The following PAX6 variants were observed in gnomAD, a reference collection of about 807,000 sequenced individuals.
The protein encoded by PAX6 is paired box protein Pax-6.
A neutral mutation model predicts 60.7 loss-of-function variants in PAX6; 7 were observed. The ratio of observed to expected loss-of-function variants is 0.12; its 90% confidence interval spans 0.07 to 0.22. The LOEUF is 0.22. Among genes scored for constraint, PAX6 ranks in the 10% least tolerant of loss-of-function variants. PAX6 has a pLI of 1.00. For synonymous variants in PAX6, 208 were observed against 201.2 expected (o/e 1.03, Z -0.29); for missense variants, 355 against 555.2 (o/e 0.64, Z 3.62).
intron 8 of PAX6, among the ~76,000 whole-genome samples, chr11:31,800,162 T>G (rs1953159983): frequency 6.6e-6 from 1 of 151,908 alleles, no homozygotes; most frequent in South Asian, 2.1e-4. Flanking sequence ...GGGGCAAGGA[T>G]AGTGGGGTGG....
intron 1 of PAX6, chr11:31,816,565 C>T (rs1189032462): frequency 2.8e-6 from 2 of 702,646 alleles, no homozygotes; most frequent in Admixed American, 2.0e-5. Context: ...GTCCACTTCC[C>T]ACTGCGAAGC....
intron 2 of PAX6, chr11:31,809,502 T>G (rs1415143368): frequency 6.6e-6 from 1 of 152,226 alleles, no homozygotes; most frequent in Non-Finnish European, 1.5e-5. Context: ...AGAGCCAGGT[T>G]TTAGCACTCG....
chr11:31,802,034 T>A, intron 5 of PAX6, 122 bp from the exon 6 acceptor site: 1 of 832,576 alleles, frequency 1.2e-6, no homozygotes, highest in Non-Finnish European at 1.9e-6. Flanking sequence ...CAATTTGAAC[T>A]AAAAAACGAA....
chr11:31,801,167 CTT>C lies in PAX6; in HGVS notation c.400-313_400-312del. The C allele has an allele frequency of 5.2e-6, 6 of 1,155,408 alleles. No homozygotes were observed. In the South Asian group the frequency reaches 6.6e-5, roughly 13 times the overall value. The allele number at this position is 1,155,408 out of a possible 1,614,324, so 71.6% of individuals were successfully genotyped here. A position where few individuals can be genotyped will look rare whatever the true frequency, so the allele number is the denominator to read the frequency against. ...TGCCCGAAAATAAAAACTATTTAGA[CTT>C]GTTGTAAAGCTTTCTTTCATTATAT... is the stretch of plus-strand genomic sequence containing the variant. On this transcript the variant is annotated intron_variant, in intron 7 of 13. Transcript: ENST00000640368.
At position 31,793,369 on chromosome 11, in the gene PAX6, C is replaced by T. The variant is rs745347767; in HGVS notation, c.1074+69G>A. 55 of 1,338,458 alleles carry T rather than the reference C, an allele frequency of 4.1e-5. No homozygotes were observed. In the Admixed American group the frequency reaches 5.2e-4, roughly 13 times the overall value. The allele number at this position is 1,338,458 out of a possible 1,614,324, so 82.9% of individuals were successfully genotyped here. A position where few individuals can be genotyped will look rare whatever the true frequency, so the allele number is the denominator to read the frequency against. ...GGGTGCAGACACAGCCAATGAGGTC[C>T]GCAGGCCCTGAGCCACTCCTCACTT... is the stretch of plus-strand genomic sequence containing the variant. On this transcript the variant is annotated intron_variant, in intron 12 of 13. Transcript: ENST00000640368.
intron 8 of PAX6, 90 bp from the exon 9 acceptor site, chr11:31,794,878 A>G: frequency 3.3e-6 from 4 of 1,217,638 alleles, no homozygotes; most frequent in East Asian, 2.3e-5. Context: ...CTCCAAGAGC[A>G]TTATATCCCG....
chr11:31,813,095 G>A (rs1957199385), upstream of PAX6: 1 of 152,074 alleles, frequency 6.6e-6, no homozygotes, highest in African/African-American at 2.4e-5. Flanking sequence ...CCGGGCTGGG[G>A]AGGGCTGCCG....
intron 8 of PAX6, among the ~76,000 whole-genome samples, chr11:31,796,044 T>C (rs1412566485): frequency 6.6e-6 from 1 of 152,260 alleles, no homozygotes; most frequent in African/African-American, 2.4e-5. Context: ...CAGGGAATTG[T>C]GACAGGATCT....
chr11:31,789,739 G>C lies in PAX6; in HGVS notation c.*195C>G. 1 of 707,324 alleles carries C rather than the reference G, an allele frequency of 1.4e-6. No individual in the cohort carries two copies. The highest frequency in any genetic ancestry group is 2.6e-6 in the Non-Finnish European group (1 of 386,222). 43.8% of individuals were successfully genotyped at this position (707,324 alleles called of 1,614,324 possible). ...ATGAAGATTTGTTCCAACTGATATC[G>C]TGCCTTCTGTATACAAAGGTCCTTG... On this transcript the variant is annotated 3_prime_UTR_variant, in exon 14 of 14. Transcript: ENST00000640368.
chr11:31,789,400 A>C lies in PAX6; in HGVS notation c.*534T>G, dbSNP rs1045369254. 5 of 350,174 alleles carry C rather than the reference A, an allele frequency of 1.4e-5. No homozygotes were observed. The South Asian group carries it at 3.1e-4, about 22-fold the overall frequency. The allele number at this position is 350,174 out of a possible 1,614,324, so 21.7% of individuals were successfully genotyped here. ...TCTGTTAACAACCTTTGGAAAACCA[A>C]CAGATATTTCTGACATAAATCTAGT... On this transcript the variant is annotated 3_prime_UTR_variant, in exon 14 of 14. Transcript: ENST00000640368.
At chr11:31,799,885 A>G (rs1171442369) in intron 8 of PAX6, among the ~76,000 whole-genome samples, 1 of 151,950 alleles carries the variant, frequency 6.6e-6, no homozygotes, top group African/African-American at 2.4e-5. Flanking sequence ...ACTGTTTCCT[A>G]TTCTTGACCA....
At position 31,793,501 on chromosome 11, in the gene PAX6, T is replaced by C. The variant is rs770236522; in HGVS notation, c.1011A>G (p.Thr337=). ...TAGGCGGCAGAGCGCTGTAGGTGTT[T>C]GTGAGGGCTGTGTCTGTTCGGCCCA... ...SMLGRTDTAL[T]NTYSALPPMP... is the part of the protein sequence containing the mutation. The change falls in exon 12 of 14, where the codon ACA becomes ACG. Residue 337 remains threonine, a synonymous_variant. Coordinates refer to ENST00000640368, the MANE Select transcript of PAX6 (RefSeq NM_001368894.2). 1 of 1,614,216 alleles carries C rather than the reference T, an allele frequency of 6.2e-7. No individual in the cohort carries two copies. Among genetic ancestry groups the C allele is most frequent in the Non-Finnish European group, 8.5e-7 (1 of 1,180,028 alleles).
At chr11:31,799,499 T>A (rs1952839631) in intron 8 of PAX6, among the ~76,000 whole-genome samples, 1 of 152,244 alleles carries the variant, frequency 6.6e-6, no homozygotes, top group Non-Finnish European at 1.5e-5. Context: ...TTTCTACAGC[T>A]GTCTCCTTCA....
rs530484353 is a variant in PAX6, at chr11:31,810,806, G to A, written c.-129+22C>T. 7 of 399,062 alleles carry A rather than the reference G, an allele frequency of 1.8e-5. No individual in the cohort carries two copies. The Admixed American group carries it at 1.8e-4, about 10-fold the overall frequency. The allele number at this position is 399,062 out of a possible 1,614,324, so 24.7% of individuals were successfully genotyped here. On this transcript the variant is annotated intron_variant, in intron 2 of 13. Transcript: ENST00000640368. ...CTGAATATTGCAATAAAAATAAAGC[G>A]AGAAGAAAGAAGCGGACTCACCTTT...
chr11:31,801,259 G>A (rs1953739849), intron 7 of PAX6: 5 of 1,380,190 alleles, frequency 3.6e-6, no homozygotes, highest in Middle Eastern at 2.7e-4. Context: ...GGTGGATTAG[G>A]ACGAAGTTAC....
intron 4 of PAX6, 46 bp downstream of exon 4, chr11:31,806,355 TC>T: frequency 6.3e-7 from 1 of 1,591,948 alleles, no homozygotes; most frequent in Non-Finnish European, 8.6e-7. Context: ...GACCCTCGGG[TC>T]CGCGCACCCC....
Position 31,793,573 on chromosome 11 carries a change from C to G in PAX6, c.959-20G>C. On this transcript the variant is annotated intron_variant, in intron 11 of 13. Coordinates refer to ENST00000640368, the MANE Select transcript of PAX6 (RefSeq NM_001368894.2). The stretch of plus-strand genomic sequence containing the variant: ...AGGAAACTGAGGGCAAGAGAAATGA[C>G]AGTAGTCAGAGTGAGAGTCAGAGCC... The G allele has an allele frequency of 6.2e-7, 1 of 1,613,678 alleles. No individual in the cohort carries two copies. Among genetic ancestry groups the G allele is most frequent in the East Asian group, 2.2e-5 (1 of 44,884 alleles).
chr11:31,811,871 G>A, upstream of PAX6: 1 of 152,604 alleles, frequency 6.6e-6, no homozygotes, highest in Non-Finnish European at 1.5e-5. Flanking sequence ...CTCCATTCCA[G>A]CTGCGGAGGC....
intron 2 of PAX6, chr11:31,810,598 C>G (rs565237979): frequency 3.0e-6 from 1 of 337,670 alleles, no homozygotes; most frequent in East Asian, 4.4e-5. Context: ...AGCTGGCCGC[C>G]CGCCCCGAGC....
Sources: gnomAD v4.1 joint callset for allele counts (sites outside exome capture counted in the v4.1 genomes callset) on GRCh38, gnomAD v4.1.1 for gene constraint, MANE v1.5 for transcripts, NCBI Gene and HGNC (gene_info 2026-07-23, HGNC 2026-07-21) for gene names.